Variants in PLCH1 observed in about 807,000 individuals in gnomAD.
PLCH1 encodes 1-phosphatidylinositol 4,5-bisphosphate phosphodiesterase eta-1.
In PLCH1, 60 loss-of-function variants were observed where a neutral mutation model predicts 126.7. The observed-to-expected ratio is 0.47, with a 90% CI of 0.38 to 0.59. The LOEUF (loss-of-function observed/expected upper bound fraction) is 0.59, where lower values mean the gene tolerates loss of function less well. Ranked by LOEUF, PLCH1 falls within the 20% of genes least tolerant of loss-of-function variation. The probability of loss-of-function intolerance (pLI) is 0.00; values close to 1 mark genes in which losing one functional copy is unlikely to be tolerated. For missense variants in PLCH1, 1,723 were observed against 2,040.0 expected (o/e 0.84, Z 2.99); for synonymous variants, 719 against 734.9 (o/e 0.98, Z 0.35).
At chr3:155,707,232 T>C (rs1256283775) in intron 1 of PLCH1, among the ~76,000 whole-genome samples, 1 of 152,186 alleles carries the variant, frequency 6.6e-6, no homozygotes, top group African/African-American at 2.4e-5. Context: ...GCTACCCAGT[T>C]TATGGCATTG....
At chr3:155,491,193 C>A (rs985119660) in intron 18 of PLCH1, among the ~76,000 whole-genome samples, 4 of 152,186 alleles carry the variant, frequency 2.6e-5, no homozygotes, top group African/African-American at 9.7e-5. Flanking sequence ...CTATAATAGT[C>A]AAACACTGGA....
At chr3:155,580,762 A>G (rs900607763) in intron 6 of PLCH1, among the ~76,000 whole-genome samples, 14 of 152,172 alleles carry the variant, frequency 9.2e-5, no homozygotes, top group African/African-American at 3.4e-4. Flanking sequence ...CGGCACGATA[A>G]TTGTAATAAA....
At chr3:155,578,584 G>A (rs188580385) in intron 6 of PLCH1, among the ~76,000 whole-genome samples, 3 of 152,244 alleles carry the variant, frequency 2.0e-5, no homozygotes, top group African/African-American at 7.2e-5. Context: ...AATAATCAAA[G>A]ATACTTCTCA....
intron 2 of PLCH1, among the ~76,000 whole-genome samples, chr3:155,697,185 G>T (rs412664): frequency 0.25 from 38,562 of 152,088 alleles, 5,218 homozygotes; most frequent in East Asian, 0.46. Context: ...ACAGATCATT[G>T]CTTGGGTCTG....
chr3:155,512,278 C>G (rs912117711), intron 12 of PLCH1, among the ~76,000 whole-genome samples: 1 of 152,108 alleles, frequency 6.6e-6, no homozygotes, highest in East Asian at 1.9e-4. Flanking sequence ...CCCTGAGCAC[C>G]GGCACATCTT....
rs540762846 is a variant in PLCH1, at chr3:155,612,668, C to T, written c.80-16290G>A. ...GCTCATGCCTATAATCCCAGTACTT[C>T]GGGAGGCCGAGGCAGGCAGATCACC... On this transcript the variant is annotated intron_variant, in intron 2 of 22. Transcript: ENST00000460012. Among the ~76,000 whole-genome samples the T allele has an allele frequency of 3.3e-5, 5 of 151,794 alleles. No individual in the cohort carries two copies. In the East Asian group the frequency reaches 9.7e-4, roughly 30 times the overall value.
intron 18 of PLCH1, 62 bp from the exon 19 acceptor site, chr3:155,490,930 C>A: frequency 1.1e-6 from 1 of 951,800 alleles, no homozygotes; most frequent in Non-Finnish European, 1.7e-6. Context: ...GTTAATTAAT[C>A]TGAGAATATT....
intron 12 of PLCH1, among the ~76,000 whole-genome samples, chr3:155,511,674 G>T (rs369665750): frequency 2.8e-5 from 4 of 141,366 alleles, no homozygotes; most frequent in Admixed American, 6.9e-5. Context: ...GGGGGTCAGG[G>T]GTCAGGGACC....
At chr3:155,664,784 A>G (rs1742548387) in intron 2 of PLCH1, among the ~76,000 whole-genome samples, 1 of 152,174 alleles carries the variant, frequency 6.6e-6, no homozygotes, top group South Asian at 2.1e-4. Flanking sequence ...AATCCCTCAT[A>G]CCAACCCTTT....
At chr3:155,557,706 A>G (rs1362590444) in intron 8 of PLCH1, among the ~76,000 whole-genome samples, 1 of 152,162 alleles carries the variant, frequency 6.6e-6, no homozygotes, top group Non-Finnish European at 1.5e-5. Flanking sequence ...CCTGCTCATA[A>G]AAGAGCCGGG....
chr3:155,632,873 C>A (rs1421831324), intron 2 of PLCH1, among the ~76,000 whole-genome samples: 2 of 152,154 alleles, frequency 1.3e-5, no homozygotes, highest in Non-Finnish European at 2.9e-5. Context: ...TTGCCAAATT[C>A]CCAGGCTATG....
intron 11 of PLCH1, among the ~76,000 whole-genome samples, chr3:155,517,211 G>A (rs114662244): frequency 0.054 from 8,275 of 152,164 alleles, 287 homozygotes; most frequent in Non-Finnish European, 0.079. Context: ...GGAGGCTGAG[G>A]TGGAAGGATC....
intron 9 of PLCH1, among the ~76,000 whole-genome samples, chr3:155,553,610 T>C (rs757318321): frequency 2.0e-5 from 3 of 152,014 alleles, no homozygotes; most frequent in Non-Finnish European, 4.4e-5. Context: ...GAGAATGATA[T>C]AATGGAAACC....
chr3:155,571,497 T>C (rs1280074561), intron 6 of PLCH1, among the ~76,000 whole-genome samples: 1 of 152,176 alleles, frequency 6.6e-6, no homozygotes. Flanking sequence ...GCTTACCGCG[T>C]TCAAGCAATT....
chr3:155,505,324 C>T (rs139984925), intron 12 of PLCH1, among the ~76,000 whole-genome samples: 5 of 152,138 alleles, frequency 3.3e-5, no homozygotes, highest in Non-Finnish European at 5.9e-5. Context: ...GAGCCTATGT[C>T]TCATTAGGTA....
At chr3:155,588,939 C>T (rs1275974278) in intron 4 of PLCH1, among the ~76,000 whole-genome samples, 1 of 152,178 alleles carries the variant, frequency 6.6e-6, no homozygotes, top group Non-Finnish European at 1.5e-5. Flanking sequence ...TAACGGTCCA[C>T]ATAGTATACA....
intron 10 of PLCH1, among the ~76,000 whole-genome samples, chr3:155,535,652 A>T (rs956987506): frequency 1.3e-5 from 2 of 152,202 alleles, no homozygotes; most frequent in Non-Finnish European, 2.9e-5. Flanking sequence ...GTCTGAGCTT[A>T]GACACGCCTG....
At chr3:155,595,704 A>G (rs2108651772) in intron 3 of PLCH1, among the ~76,000 whole-genome samples, 1 of 151,882 alleles carries the variant, frequency 6.6e-6, no homozygotes, top group Admixed American at 6.6e-5. Context: ...CCTCTCTCAT[A>G]CATCTATGTA....
At chr3:155,574,452 T>C (rs908589042) in intron 6 of PLCH1, among the ~76,000 whole-genome samples, 1 of 151,594 alleles carries the variant, frequency 6.6e-6, no homozygotes, top group African/African-American at 2.4e-5. Context: ...TCTCACTCTA[T>C]GAGATTGAAT....
Sources: gnomAD v4.1 joint callset for allele counts (sites outside exome capture counted in the v4.1 genomes callset) on GRCh38, gnomAD v4.1.1 for gene constraint, MANE v1.5 for transcripts, NCBI Gene and HGNC (gene_info 2026-07-23, HGNC 2026-07-21) for gene names.